Variants in SNAP91 observed in about 807,000 individuals in gnomAD.
SNAP91 encodes the protein synaptosome associated protein 91.
Under a neutral mutation model 100.3 loss-of-function variants are expected in SNAP91, and 27 were observed. That is an observed-to-expected ratio of 0.27 (90% CI 0.20 to 0.37). The LOEUF (loss-of-function observed/expected upper bound fraction) is 0.37, where lower values mean the gene tolerates loss of function less well. Ranked by LOEUF, SNAP91 falls within the 10% of genes least tolerant of loss-of-function variation. The pLI is 1.00. For missense variants in SNAP91, 986 were observed against 1,123.7 expected, an observed-to-expected ratio of 0.88 and a Z score of 1.75; for synonymous variants, 404 against 398.6, an observed-to-expected ratio of 1.01 and a Z score of -0.16.
intron 2 of SNAP91, among the ~76,000 whole-genome samples, chr6:83,686,589 C>A (rs1312114736): frequency 6.6e-6 from 1 of 152,192 alleles, no homozygotes; most frequent in African/African-American, 2.4e-5. Flanking sequence ...GGAAAATAAT[C>A]ACTTTCATAC....
chr6:83,650,909 G>C (rs2098174793), intron 7 of SNAP91, among the ~76,000 whole-genome samples: 1 of 152,176 alleles, frequency 6.6e-6, no homozygotes, highest in South Asian at 2.1e-4. Flanking sequence ...TGTTTTCAAA[G>C]GTTATTAATT....
Position 83,707,804 on chromosome 6 carries a change from G to A in SNAP91, c.124C>T (p.Leu42=), listed in dbSNP as rs748317793. The change falls in exon 2 of 30, where the codon CTG becomes TTG. Residue 42 remains leucine, a synonymous_variant. Coordinates refer to ENST00000369694, the MANE Select transcript of SNAP91 (RefSeq NM_001242792.2). Reference sequence around the variant, plus strand: ...TATATAAAGAGATGCTTACAGTCCAGGTGCTTTTTCTTGGGGCCCATTACT... The same window carrying A: ...TATATAAAGAGATGCTTACAGTCCAAGTGCTTTTTCTTGGGGCCCATTACT... ...HEVMGPKKKH[L]DYLIQATNET... The A allele has an allele frequency of 1.1e-5, 17 of 1,613,218 alleles. 1 individual carries two copies. The highest frequency in any genetic ancestry group is 2.2e-5 in the South Asian group (2 of 90,910).
intron 27 of SNAP91, 40 bp downstream of exon 27, chr6:83,560,824 G>C (rs1786124400): frequency 5.2e-6 from 8 of 1,540,798 alleles, no homozygotes; most frequent in Non-Finnish European, 7.2e-6. Flanking sequence ...AAATTATTTA[G>C]AAATGTTGAT....
intron 22 of SNAP91, among the ~76,000 whole-genome samples, chr6:83,590,963 G>A (rs917249649): frequency 6.6e-6 from 1 of 151,774 alleles, no homozygotes; most frequent in Non-Finnish European, 1.5e-5. Flanking sequence ...GATTTGGGGG[G>A]GCAAGTACAG....
chr6:83,692,723 A>G (rs2099147358), intron 2 of SNAP91, among the ~76,000 whole-genome samples: 1 of 152,164 alleles, frequency 6.6e-6, no homozygotes, highest in South Asian at 2.1e-4. Context: ...ATTAACAAGC[A>G]TGTTAAAATA....
Position 83,610,667 on chromosome 6 carries a change from G to T in SNAP91, c.895C>A (p.Pro299Thr). ...KPGNNEGSGA[P>T]SPLSKSSPAT... ...AAACTTACCTTACTTAATGGAGAGGGAGCACCAGATCTAAAAGGCAACATA... is the reference window on the plus strand; with the variant it reads ...AAACTTACCTTACTTAATGGAGAGGTAGCACCAGATCTAAAAGGCAACATA... The change falls in exon 12 of 30, where the codon CCC (proline) becomes ACC (threonine). Residue 299 changes from proline (P) to threonine (T), a missense_variant. This residue lies in a region of SNAP91 where 330 missense variants were observed against 447.5 expected (regional missense o/e 0.74). Coordinates refer to ENST00000369694, the MANE Select transcript of SNAP91 (RefSeq NM_001242792.2). 1.7e-6 allele frequency: 1 copy of T among 581,942 alleles called. No homozygotes were observed. The highest frequency in any genetic ancestry group is 3.2e-6 in the Non-Finnish European group (1 of 311,644). The allele number at this position is 581,942 out of a possible 1,614,324, so 36.0% of individuals were successfully genotyped here. A position where few individuals can be genotyped will look rare whatever the true frequency, so the allele number is the denominator to read the frequency against.
Position 83,566,969 on chromosome 6 carries a change from T to C in SNAP91, c.2443-6022A>G, listed in dbSNP as rs187955739. On this transcript the variant is annotated intron_variant, in intron 26 of 29. Coordinates refer to ENST00000369694, the MANE Select transcript of SNAP91 (RefSeq NM_001242792.2). ...GAGAGGTACCTGATTCATGGATCAT[T>C]CTTCACTTAAATAAACTCTGTTAAA... Among the ~76,000 whole-genome samples the C allele has an allele frequency of 6.2e-4, 94 of 152,306 alleles. 1 individual carries two copies. In the East Asian group the frequency reaches 0.013, roughly 22 times the overall value.
At chr6:83,595,161 A>C (rs2094315617) in intron 16 of SNAP91, among the ~76,000 whole-genome samples, 1 of 151,936 alleles carries the variant, frequency 6.6e-6, no homozygotes, top group African/African-American at 2.4e-5. Flanking sequence ...AGAGTATGAA[A>C]CACTCTTACT....
chr6:83,572,289 A>ACGG (rs1449776927), intron 26 of SNAP91, among the ~76,000 whole-genome samples: 2 of 152,008 alleles, frequency 1.3e-5, no homozygotes. Context: ...ACTGTCGCCC[A>ACGG]CGGCTGGAGT....
At chr6:83,613,385 A>G (rs1040999400) in intron 11 of SNAP91, among the ~76,000 whole-genome samples, 7 of 152,232 alleles carry the variant, frequency 4.6e-5, no homozygotes, top group Non-Finnish European at 1.0e-4. Context: ...TATAATCAAT[A>G]AATTAACCAG....
At chr6:83,627,237 T>C (rs965271934) in intron 8 of SNAP91, among the ~76,000 whole-genome samples, 2 of 152,178 alleles carry the variant, frequency 1.3e-5, no homozygotes, top group African/African-American at 4.8e-5. Context: ...GATGTGCTGC[T>C]AGATTTGATT....
intron 2 of SNAP91, 93 bp from the exon 3 acceptor site, chr6:83,665,674 A>G (rs2128769170): frequency 1.8e-6 from 2 of 1,122,952 alleles, no homozygotes; most frequent in Non-Finnish European, 2.5e-6. Flanking sequence ...TTACTAATAT[A>G]TGACCTTAAA....
intron 26 of SNAP91, among the ~76,000 whole-genome samples, chr6:83,571,552 T>A (rs1368119934): frequency 3.9e-5 from 6 of 152,196 alleles, no homozygotes; most frequent in Non-Finnish European, 8.8e-5. Context: ...TTTCTCCCAT[T>A]TGGAATGGCG....
chr6:83,663,845 A>G (rs754814212), intron 3 of SNAP91, among the ~76,000 whole-genome samples: 3 of 152,172 alleles, frequency 2.0e-5, no homozygotes, highest in Non-Finnish European at 4.4e-5. Flanking sequence ...CTTATCTAGA[A>G]AGGAGAATAC....
At chr6:83,621,049 T>C (rs998162114) in intron 9 of SNAP91, among the ~76,000 whole-genome samples, 1 of 80,990 alleles carries the variant, frequency 1.2e-5, no homozygotes, top group Non-Finnish European at 2.4e-5. Context: ...TTAAAAAATC[T>C]TTTAGGGTTG....
intron 8 of SNAP91, among the ~76,000 whole-genome samples, chr6:83,624,875 T>C (rs1436642334): frequency 6.6e-6 from 1 of 152,084 alleles, no homozygotes; most frequent in Non-Finnish European, 1.5e-5. Flanking sequence ...CCAAATATTA[T>C]TATTTCTTTT....
chr6:83,687,778 G>A (rs1396836027), intron 2 of SNAP91, among the ~76,000 whole-genome samples: 5 of 152,206 alleles, frequency 3.3e-5, no homozygotes, highest in African/African-American at 1.2e-4. Flanking sequence ...AGCAGGGGCA[G>A]AGGAGATTGT....
intron 2 of SNAP91, among the ~76,000 whole-genome samples, chr6:83,689,079 G>A (rs1290298384): frequency 2.6e-5 from 4 of 152,038 alleles, no homozygotes; most frequent in Non-Finnish European, 4.4e-5. Flanking sequence ...AAGATCTTTC[G>A]CCATCAGGTG....
At chr6:83,594,338 G>A (rs889712666) in intron 17 of SNAP91, 36 bp downstream of exon 17, 6 of 1,486,300 alleles carry the variant, frequency 4.0e-6, no homozygotes, top group Non-Finnish European at 4.6e-6. Flanking sequence ...CATTAGGACA[G>A]AAGAATAACA....
Sources: gnomAD v4.1 joint callset for allele counts (sites outside exome capture counted in the v4.1 genomes callset) on GRCh38, gnomAD v4.1.1 for gene constraint, gnomAD v4.1.1 regional missense constraint, MANE v1.5 for transcripts, NCBI Gene and HGNC (gene_info 2026-07-23, HGNC 2026-07-21) for gene names.